Variants in GNPTG observed in about 807,000 individuals in gnomAD.
The protein encoded by GNPTG is N-acetylglucosamine-1-phosphate transferase subunit gamma.
GNPTG carries 46 observed loss-of-function variants against 43.8 expected under a neutral mutation model. The ratio of observed to expected loss-of-function variants is 1.05; its 90% CI spans 0.83 to 1.34. GNPTG has a LOEUF of 1.34. Among genes scored for constraint, GNPTG ranks in the 40% most tolerant of loss-of-function variants. The pLI is 0.00. For synonymous variants in GNPTG, 250 were observed against 172.8 expected (o/e 1.45, Z -3.50); for missense variants, 549 against 411.3 (o/e 1.33, Z -2.90).
intron 3 of GNPTG, among the ~76,000 whole-genome samples, chr16:1,354,569 G>A (rs1379305579): frequency 1.2e-5 from 1 of 84,798 alleles, no homozygotes; most frequent in African/African-American, 4.3e-5. Context: ...CTGGGTGACA[G>A]AGCAAGACTT....
intron 3 of GNPTG, among the ~76,000 whole-genome samples, chr16:1,356,915 G>C (rs57003262): frequency 1.8e-4 from 2 of 11,168 alleles, no homozygotes; most frequent in African/African-American, 5.2e-4. Flanking sequence ...GGGCGAGAGT[G>C]TGCGGGCGGG....
Position 1,362,148 on chromosome 16 carries a change from G to A in GNPTG, c.411+17G>A. 6.2e-7 allele frequency: 1 copy of A among 1,612,718 alleles called. No individual in the cohort carries two copies. The highest frequency in any genetic ancestry group is 1.1e-5 in the South Asian group (1 of 91,024). ...CAGAGCAAGGTGGGGCCTCAGACGG[G>A]AGCCCGGGAAGAGGGGCCCCAGTCT... On this transcript the variant is annotated intron_variant, in intron 6 of 10. Coordinates refer to ENST00000204679, the MANE Select transcript of GNPTG (RefSeq NM_032520.5).
Position 1,351,999 on chromosome 16 carries a change from C to T in GNPTG, c.34C>T (p.Leu12Phe). The T allele has an allele frequency of 1.4e-6, 2 of 1,451,096 alleles. No individual in the cohort carries two copies. Among genetic ancestry groups the T allele is most frequent in the Non-Finnish European group, 9.0e-7 (1 of 1,106,590 alleles). 89.9% of individuals were successfully genotyped at this position (1,451,096 alleles called of 1,614,324 possible). A position where few individuals can be genotyped will look rare whatever the true frequency, so the allele number is the denominator to read the frequency against. ...AAGLARLLLL[L>F]GLSAGGPAPA... ...GGGGCTGGCGCGGCTCCTGTTGCTC[C>T]TCGGGCTCTCGGCCGGCGGTGAGTG... Residue 12 changes from leucine (L) to phenylalanine (F), a missense_variant, in exon 1 of 11, where the codon CTC becomes TTC. Leu to Phe is a conservative substitution (Grantham distance 22, BLOSUM62 0). Transcript: ENST00000204679.
At chr16:1,361,415 T>C (rs1343134354) in intron 3 of GNPTG, 10 of 355,066 alleles carry the variant, frequency 2.8e-5, no homozygotes, top group Middle Eastern at 2.0e-3. Context: ...GAGGCCGAGG[T>C]GGGTGGATCA....
chr16:1,354,321 G>A lies in GNPTG; in HGVS notation c.178+2015G>A, dbSNP rs145754406. Among the ~76,000 whole-genome samples, 589 of 152,146 alleles carry A rather than the reference G, an allele frequency of 3.9e-3. 13 individuals carry two copies. Among genetic ancestry groups the A allele is most frequent in the Admixed American group, 0.032 (483 of 15,282 alleles). On this transcript the variant is annotated intron_variant, in intron 3 of 10. Transcript: ENST00000204679. Reference sequence around the variant, plus strand: ...CAGAATATGCTGGTCGTGGTGGTGCGTGCATGTTGCTCGGGAGCCTGAGGT... The same window carrying A: ...CAGAATATGCTGGTCGTGGTGGTGCATGCATGTTGCTCGGGAGCCTGAGGT...
chr16:1,359,720 G>A (rs1253763084), intron 3 of GNPTG, among the ~76,000 whole-genome samples: 5 of 152,172 alleles, frequency 3.3e-5, no homozygotes, highest in African/African-American at 4.8e-5. Flanking sequence ...ACTTTAGGAT[G>A]TGTTTTTCTA....
Position 1,362,235 on chromosome 16 carries a change from G to T in GNPTG, c.441G>T (p.Arg147=), listed in dbSNP as rs769233183. 1.9e-6 allele frequency: 3 copies of T among 1,613,568 alleles called. No individual in the cohort carries two copies. The South Asian group carries it at 3.3e-5, about 18-fold the overall frequency. ...AGCTGGCGTGTGGAAAAAGCAACCG[G>T]CTGGCCCATGTGTCCGAGCCGAGCA... ...KVELACGKSN[R]LAHVSEPSTC... Residue 147 remains arginine, a synonymous_variant, in exon 7 of 11, where the codon CGG becomes CGT. Coordinates refer to ENST00000204679, the MANE Select transcript of GNPTG (RefSeq NM_032520.5).
chr16:1,359,902 G>A (rs555349607), intron 3 of GNPTG, among the ~76,000 whole-genome samples: 1 of 152,006 alleles, frequency 6.6e-6, no homozygotes, highest in East Asian at 2.0e-4. Flanking sequence ...CTGAGGTCAG[G>A]AGTTTGAGAC....
intron 3 of GNPTG, among the ~76,000 whole-genome samples, chr16:1,353,549 G>C (rs974194923): frequency 1.3e-5 from 2 of 151,976 alleles, no homozygotes; most frequent in African/African-American, 4.8e-5. Context: ...TTAGAGACGG[G>C]GTCTTGCTCT....
chr16:1,362,550 GGGTGGCCCCT>G lies in GNPTG; in HGVS notation c.609+22_609+31del, dbSNP rs777805362. 2 of 1,614,180 alleles carry G rather than the reference GGGTGGCCCCT, an allele frequency of 1.2e-6. No homozygotes were observed. Among genetic ancestry groups the G allele is most frequent in the Non-Finnish European group, 1.7e-6 (2 of 1,180,032 alleles). On this transcript the variant is annotated intron_variant, in intron 8 of 10. Coordinates refer to ENST00000204679, the MANE Select transcript of GNPTG (RefSeq NM_032520.5). ...CACCCCCCAGGTAAGCGTGCGCTCG[GGGTGGCCCCT>G]GGTGGGCCTGGCTGGGAGCTGGGTG...
chr16:1,361,561 G>T, intron 3 of GNPTG, 182 bp from the exon 4 acceptor site: 1 of 632,628 alleles, frequency 1.6e-6, no homozygotes, highest in Non-Finnish European at 2.8e-6. Flanking sequence ...GGAGAATGGC[G>T]TGAACATGGG....
rs137853826 is a variant in GNPTG, at chr16:1,352,123, C to A, written c.74C>A (p.Ala25Glu). Residue 25 changes from alanine (A) to glutamate (E), a missense_variant, in exon 2 of 11, where the codon GCG becomes GAG. Coordinates refer to ENST00000204679, the MANE Select transcript of GNPTG (RefSeq NM_032520.5). ...GTAGGGCCCGCGCCGGCAGGTGCAG[C>A]GAAGATGAAGGTGGTGGAGGAGCCC... ...SAGGPAPAGA[A>E]KMKVVEEPNA... 35 of 1,581,770 alleles carry A rather than the reference C, an allele frequency of 2.2e-5. No homozygotes were observed. The highest frequency in any genetic ancestry group is 5.4e-5 in the African/African-American group (4 of 74,352).
intron 3 of GNPTG, among the ~76,000 whole-genome samples, chr16:1,354,680 G>A (rs1261404733): frequency 3.3e-5 from 5 of 151,424 alleles, no homozygotes; most frequent in Non-Finnish European, 7.4e-5. Flanking sequence ...GGCCAGTCAG[G>A]TTCACATGTG....
intron 3 of GNPTG, among the ~76,000 whole-genome samples, chr16:1,354,585 C>CAAAAAAAAAAAAAAAAAAAA (rs869067502): frequency 2.7e-4 from 12 of 44,354 alleles, no homozygotes; most frequent in African/African-American, 4.0e-4. Flanking sequence ...GACTTCGTCT[C>CAAAAAAAAAAAAAAAAAAAA]AAAAAAAAAA....
Position 1,352,255 on chromosome 16 carries a change from T to G in GNPTG, c.127T>G (p.Leu43Val). The change falls in exon 3 of 11, where the codon TTG becomes GTG. Residue 43 changes from leucine (L) to valine (V), a missense_variant. Leu to Val is a conservative substitution (Grantham distance 32). Transcript: ENST00000204679. ...PNAFGVNNPF[L>V]PQASRLQAKR... The stretch of plus-strand genomic sequence containing the variant: ...TTCCCGTAGGGTGAACAACCCGTTC[T>G]TGCCTCAGGCCAGTCGCCTCCAGGC... The G allele has an allele frequency of 1.3e-6, 2 of 1,548,646 alleles. No individual in the cohort carries two copies. The highest frequency in any genetic ancestry group is 1.2e-5 in the South Asian group (1 of 83,988).
At chr16:1,356,054 G>A (rs899642659) in intron 3 of GNPTG, among the ~76,000 whole-genome samples, 10 of 152,068 alleles carry the variant, frequency 6.6e-5, no homozygotes, top group East Asian at 1.9e-4. Context: ...GTGTGGGGCC[G>A]GGCCAGGGAG....
At chr16:1,361,559 G>C in intron 3 of GNPTG, 184 bp from the exon 4 acceptor site, 2 of 625,728 alleles carry the variant, frequency 3.2e-6, no homozygotes, top group Non-Finnish European at 5.7e-6. Context: ...CAGGAGAATG[G>C]CGTGAACATG....
At chr16:1,352,213 C>A in intron 2 of GNPTG, 26 bp from the exon 3 acceptor site, 1 of 1,551,144 alleles carries the variant, frequency 6.4e-7, no homozygotes, top group South Asian at 1.2e-5. Flanking sequence ...GGGCCCGTTC[C>A]CCGCTGACCT....
rs1188166933 is a variant in GNPTG, at chr16:1,362,063, A to T, written c.343A>T (p.Asn115Tyr). ...CATCTGGCACGAGTGGGAGATCGCC[A>T]ACAACACCTTCACGGGCATGTGGAT... is the stretch of plus-strand genomic sequence containing the variant. ...LGIWHEWEIA[N>Y]NTFTGMWMRD... Residue 115 changes from asparagine to tyrosine, a missense_variant, in exon 6 of 11, where the codon AAC becomes TAC. Transcript: ENST00000204679. 5 of 1,612,330 alleles carry T rather than the reference A, an allele frequency of 3.1e-6. No homozygotes were observed. The highest frequency in any genetic ancestry group is 4.2e-6 in the Non-Finnish European group (5 of 1,179,526).
Sources: allele counts gnomAD v4.1 joint callset (sites outside exome capture counted in the v4.1 genomes callset), GRCh38; gene constraint gnomAD v4.1.1; transcripts MANE v1.5; gene names NCBI Gene and HGNC (gene_info 2026-07-23, HGNC 2026-07-21).